The following NLGN1 variants were observed in gnomAD, a reference collection of about 807,000 sequenced individuals.
NLGN1 encodes neuroligin-1.
A neutral mutation model predicts 65.5 loss-of-function variants in NLGN1; 12 were observed. The observed-to-expected ratio is 0.18, with a 90% CI of 0.12 to 0.30. The LOEUF is 0.30. NLGN1 is among the 10% of genes least tolerant of loss of function. The pLI is 1.00. For synonymous variants in NLGN1, 350 were observed against 359.5 expected (o/e 0.97, Z 0.30); for missense variants, 750 against 1,007.1 (o/e 0.74, Z 3.46).
At chr3:173,623,472 T>C (rs1481465385) in intron 3 of NLGN1, among the ~76,000 whole-genome samples, 2 of 152,052 alleles carry the variant, frequency 1.3e-5, no homozygotes, top group Non-Finnish European at 2.9e-5. Flanking sequence ...TAAGATAGCC[T>C]TGAATAATAT....
intron 2 of NLGN1, among the ~76,000 whole-genome samples, chr3:173,516,645 T>A (rs894809191): frequency 3.3e-5 from 5 of 152,104 alleles, no homozygotes; most frequent in African/African-American, 1.2e-4. Context: ...CATCATTGCC[T>A]AGAAAACAAA....
At chr3:174,242,267 C>T (rs1327882367) in intron 4 of NLGN1, among the ~76,000 whole-genome samples, 2 of 151,970 alleles carry the variant, frequency 1.3e-5, no homozygotes, top group African/African-American at 4.8e-5. Context: ...TGGACCGTGC[C>T]AGTCCATGGC....
At chr3:173,396,280 T>A (rs1054333008), upstream of NLGN1, 2 of 152,232 alleles carry the variant, frequency 1.3e-5, no homozygotes, top group African/African-American at 4.8e-5. Context: ...CCTCTAAATC[T>A]TCTCGGAAAT....
intron 3 of NLGN1, among the ~76,000 whole-genome samples, chr3:173,801,731 T>C (rs1296729568): frequency 6.6e-6 from 1 of 152,050 alleles, no homozygotes; most frequent in Non-Finnish European, 1.5e-5. Context: ...GGATTAAAGA[T>C]TAAACACAAA....
chr3:174,242,004 GCT>G (rs1173419680), intron 4 of NLGN1, among the ~76,000 whole-genome samples: 4 of 152,124 alleles, frequency 2.6e-5, no homozygotes, highest in African/African-American at 9.7e-5. Flanking sequence ...GAGCACAGTA[GCT>G]CTGTTTCATG....
At chr3:173,785,478 A>G (rs537319978) in intron 3 of NLGN1, among the ~76,000 whole-genome samples, 1 of 152,298 alleles carries the variant, frequency 6.6e-6, no homozygotes, top group East Asian at 1.9e-4. Flanking sequence ...CTGATATAAC[A>G]TTGTACAAGA....
intron 4 of NLGN1, among the ~76,000 whole-genome samples, chr3:174,019,730 A>G (rs923681499): frequency 7.9e-5 from 12 of 152,118 alleles, no homozygotes; most frequent in Non-Finnish European, 1.6e-4. Context: ...TTATTTTGCT[A>G]TTAAGAAGAA....
chr3:174,209,330 T>C (rs1203575154), intron 4 of NLGN1, among the ~76,000 whole-genome samples: 1 of 152,204 alleles, frequency 6.6e-6, no homozygotes, highest in African/African-American at 2.4e-5. Context: ...TTTCTTATTG[T>C]ATTTTATCAC....
chr3:173,803,959 T>C (rs143236788), intron 3 of NLGN1, among the ~76,000 whole-genome samples: 1 of 152,302 alleles, frequency 6.6e-6, no homozygotes, highest in Non-Finnish European at 1.5e-5. Context: ...AGTAAACATA[T>C]TTAATGATTA....
At chr3:173,460,152 G>T (rs1269992850) in intron 2 of NLGN1, among the ~76,000 whole-genome samples, 1 of 152,068 alleles carries the variant, frequency 6.6e-6, no homozygotes, top group Non-Finnish European at 1.5e-5. Context: ...ATTGTAATAT[G>T]TAGTTTTATA....
intron 4 of NLGN1, among the ~76,000 whole-genome samples, chr3:174,024,141 TAA>T (rs34508881): frequency 0.28 from 23,913 of 86,682 alleles, 2,730 homozygotes; most frequent in African/African-American, 0.39. Flanking sequence ...AGAGTCCTAT[TAA>T]AAAAAAAAAA....
chr3:174,085,570 T>A (rs1243640298), intron 4 of NLGN1, among the ~76,000 whole-genome samples: 1 of 152,092 alleles, frequency 6.6e-6, no homozygotes, highest in Admixed American at 6.6e-5. Context: ...GACCTTGTAT[T>A]GTGGTCATTG....
chr3:174,265,215 G>A (rs1215110150), intron 4 of NLGN1, among the ~76,000 whole-genome samples: 1 of 151,612 alleles, frequency 6.6e-6, no homozygotes, highest in Non-Finnish European at 1.5e-5. Flanking sequence ...CACCTAGTTC[G>A]AGCTTCCCAG....
At chr3:174,026,033 C>T (rs1728762182) in intron 4 of NLGN1, among the ~76,000 whole-genome samples, 1 of 152,026 alleles carries the variant, frequency 6.6e-6, no homozygotes, top group South Asian at 2.1e-4. Flanking sequence ...AGACTATGTT[C>T]ATTATTGTGC....
At chr3:173,491,079 C>T (rs1388424393) in intron 2 of NLGN1, among the ~76,000 whole-genome samples, 2 of 151,648 alleles carry the variant, frequency 1.3e-5, no homozygotes, top group African/African-American at 4.9e-5. Context: ...AACTGAATAC[C>T]CTTTATTTCT....
chr3:173,743,282 T>C (rs1309632768), intron 3 of NLGN1, among the ~76,000 whole-genome samples: 1 of 152,164 alleles, frequency 6.6e-6, no homozygotes, highest in Non-Finnish European at 1.5e-5. Flanking sequence ...ATCTAACAAG[T>C]TGTAACATGT....
At chr3:173,900,269 AAAT>A (rs1478752672) in intron 4 of NLGN1, among the ~76,000 whole-genome samples, 2 of 152,100 alleles carry the variant, frequency 1.3e-5, no homozygotes, top group Non-Finnish European at 2.9e-5. Flanking sequence ...TTCATTTTTT[AAAT>A]ACTAACAACT....
At chr3:173,618,359 G>A (rs1753462691) in intron 3 of NLGN1, among the ~76,000 whole-genome samples, 1 of 151,912 alleles carries the variant, frequency 6.6e-6, no homozygotes, top group African/African-American at 2.4e-5. Context: ...ACCATACCTG[G>A]CTATTTTTAA....
intron 3 of NLGN1, among the ~76,000 whole-genome samples, chr3:173,754,580 C>A (rs1478521872): frequency 6.6e-6 from 1 of 151,760 alleles, no homozygotes; most frequent in Non-Finnish European, 1.5e-5. Flanking sequence ...GTGCTGTATC[C>A]CCTGGGCTTA....
Sources: gnomAD v4.1 joint callset for allele counts (sites outside exome capture counted in the v4.1 genomes callset) on GRCh38, gnomAD v4.1.1 for gene constraint, MANE v1.5 for transcripts, NCBI Gene and HGNC (gene_info 2026-07-23, HGNC 2026-07-21) for gene names.